The following CALN1 variants were observed in gnomAD, a reference collection of about 807,000 sequenced individuals.
The protein encoded by CALN1 is calcium-binding protein 8.
Under a neutral mutation model 30.6 loss-of-function variants are expected in CALN1, and 17 were observed. That is an observed-to-expected ratio of 0.56 (90% CI 0.38 to 0.83). The LOEUF is 0.83. Ranked by LOEUF, CALN1 falls within the 40% of genes least tolerant of loss-of-function variation. The probability of loss-of-function intolerance (pLI) is 0.00; values close to 1 mark genes in which losing one functional copy is unlikely to be tolerated. For synonymous variants in CALN1, 156 were observed against 131.4 expected (o/e 1.19, Z -1.28); for missense variants, 291 against 354.9 (o/e 0.82, Z 1.45).
At chr7:72,423,947 AAAGAAGGGAGGGAGGGAGGG>A (rs1207777341) in intron 1 of CALN1, among the ~76,000 whole-genome samples, 3 of 126,454 alleles carry the variant, frequency 2.4e-5, no homozygotes, top group Non-Finnish European at 3.4e-5. Context: ...AGAAAGAAAG[AAAGAAGGGAGGGAGGGAGGG>A]AGGGAGGGAG....
At chr7:72,214,065 C>T (rs1246050234) in intron 3 of CALN1, among the ~76,000 whole-genome samples, 1 of 152,240 alleles carries the variant, frequency 6.6e-6, no homozygotes, top group Non-Finnish European at 1.5e-5. Context: ...GTGCACCAAT[C>T]TGGGCAGATT....
chr7:72,255,930 A>G (rs1156706977), intron 3 of CALN1, among the ~76,000 whole-genome samples: 1 of 151,960 alleles, frequency 6.6e-6, no homozygotes, highest in Non-Finnish European at 1.5e-5. Context: ...AGGTTTCACC[A>G]TGTTGGTCAG....
At chr7:72,205,565 T>TACACAC (rs1791794653) in intron 3 of CALN1, among the ~76,000 whole-genome samples, 10 of 116,744 alleles carry the variant, frequency 8.6e-5, no homozygotes, top group African/African-American at 3.8e-4. Context: ...TATATATATA[T>TACACAC]ATGTATATAT....
chr7:72,064,800 C>T (rs1052710257), intron 4 of CALN1, among the ~76,000 whole-genome samples: 1 of 151,896 alleles, frequency 6.6e-6, no homozygotes, highest in Non-Finnish European at 1.5e-5. Context: ...TACTTCTGGT[C>T]CCAGGCATTT....
At chr7:72,100,556 T>C (rs1806579366) in intron 4 of CALN1, among the ~76,000 whole-genome samples, 1 of 152,074 alleles carries the variant, frequency 6.6e-6, no homozygotes, top group Non-Finnish European at 1.5e-5. Context: ...CAGTGGCTCA[T>C]GCCTGTAATC....
At chr7:72,204,910 C>T (rs1473724462) in intron 3 of CALN1, among the ~76,000 whole-genome samples, 1 of 152,106 alleles carries the variant, frequency 6.6e-6, no homozygotes, top group African/African-American at 2.4e-5. Flanking sequence ...AACTGCTGTA[C>T]ACATATTGTC....
At chr7:71,990,191 G>A (rs113154202) in intron 5 of CALN1, among the ~76,000 whole-genome samples, 1,793 of 152,160 alleles carry the variant, frequency 0.012, 33 homozygotes, top group African/African-American at 0.038. Context: ...ACCCCTGGTC[G>A]TCCTCACTGC....
chr7:72,456,504 C>T, the CALN1 span, among the ~76,000 whole-genome samples: 1 of 152,254 alleles, frequency 6.6e-6, no homozygotes, highest in East Asian at 1.9e-4. Flanking sequence ...CACCACTGCA[C>T]TCGAGCCCAT....
chr7:71,954,387 G>C (rs1184972639), intron 5 of CALN1, among the ~76,000 whole-genome samples: 1 of 152,134 alleles, frequency 6.6e-6, no homozygotes, highest in East Asian at 1.9e-4. Flanking sequence ...TTGAACCAGG[G>C]AGATGGAGGT....
At chr7:71,945,490 G>A (rs1796359885) in intron 5 of CALN1, among the ~76,000 whole-genome samples, 1 of 152,196 alleles carries the variant, frequency 6.6e-6, no homozygotes, top group African/African-American at 2.4e-5. Flanking sequence ...CCAGTCTGTG[G>A]CCTGTTAGGA....
intron 3 of CALN1, among the ~76,000 whole-genome samples, chr7:72,152,442 G>A (rs1022566195): frequency 1.3e-5 from 2 of 152,132 alleles, no homozygotes; most frequent in African/African-American, 2.4e-5. Flanking sequence ...TGCATGGTGC[G>A]AGAGAGCAAC....
chr7:72,283,327 C>G (rs1027551362), intron 2 of CALN1, among the ~76,000 whole-genome samples: 2 of 152,118 alleles, frequency 1.3e-5, no homozygotes, highest in Non-Finnish European at 2.9e-5. Context: ...GATTTCCAGA[C>G]CAGCCTGGGC....
At chr7:71,905,127 C>T (rs186752165) in intron 5 of CALN1, among the ~76,000 whole-genome samples, 89 of 152,088 alleles carry the variant, frequency 5.9e-4, no homozygotes, top group African/African-American at 2.0e-3. Context: ...TCAGTAGAGA[C>T]GGGGTTTTAA....
chr7:71,812,183 T>C (rs950721075), intron 5 of CALN1, among the ~76,000 whole-genome samples: 1 of 152,212 alleles, frequency 6.6e-6, no homozygotes, highest in Non-Finnish European at 1.5e-5. Context: ...TGAATCACAA[T>C]GGACAGCTCA....
Position 72,251,010 on chromosome 7 carries a change from C to T in CALN1, c.244+27676G>A, listed in dbSNP as rs555897573. Among the ~76,000 whole-genome samples the T allele has an allele frequency of 3.0e-4, 45 of 152,248 alleles. 1 individual carries two copies. The highest frequency in any genetic ancestry group is 6.8e-3 in the Middle Eastern group (2 of 294). On this transcript the variant is annotated intron_variant, in intron 3 of 6. Transcript: ENST00000395275. ...TCTCTCTGGTCACCCCAATGTTCCC[C>T]CTGCTCCATTCCATTAAAGACATAG...
In CALN1 at chr7:71,882,693, A is replaced by C. The variant is rs1456770379; in HGVS notation, c.502-72201T>G. 4.6e-5 allele frequency among the ~76,000 whole-genome samples: 7 copies of C among 151,788 alleles called. No homozygotes were observed. The East Asian group carries it at 1.4e-3, about 29-fold the overall frequency. ...CTTGTCCTACTTAAAAAAAAAAACA[A>C]CTTTTTAAGAGATGGGGTCTTGCTA... On this transcript the variant is annotated intron_variant, in intron 5 of 6. Transcript: ENST00000395275.
chr7:72,048,286 G>A (rs889305745), intron 4 of CALN1, among the ~76,000 whole-genome samples: 2 of 151,968 alleles, frequency 1.3e-5, no homozygotes, highest in African/African-American at 4.8e-5. Flanking sequence ...TGATCCACCC[G>A]CCTCGGCCTC....
chr7:71,908,456 T>C (rs1035958923), intron 5 of CALN1, among the ~76,000 whole-genome samples: 2 of 152,182 alleles, frequency 1.3e-5, no homozygotes, highest in Non-Finnish European at 2.9e-5. Context: ...GAAAGGTTTC[T>C]GAGAAGCCTG....
At chr7:72,108,989 G>A (rs1391464848) in intron 3 of CALN1, among the ~76,000 whole-genome samples, 1 of 152,030 alleles carries the variant, frequency 6.6e-6, no homozygotes, top group African/African-American at 2.4e-5. Context: ...TTCCTTTCTT[G>A]TGACATCCAG....
Sources: allele counts gnomAD v4.1 joint callset (sites outside exome capture counted in the v4.1 genomes callset), GRCh38; gene constraint gnomAD v4.1.1; transcripts MANE v1.5; gene names NCBI Gene and HGNC (gene_info 2026-07-23, HGNC 2026-07-21).